The following DVL1 variants were observed in gnomAD, a reference collection of about 807,000 sequenced individuals.
DVL1 encodes segment polarity protein dishevelled homolog DVL-1.
In DVL1, 49 loss-of-function variants were observed where a neutral mutation model predicts 65.0. The ratio of observed to expected loss-of-function variants is 0.75; its 90% CI spans 0.60 to 0.96. The LOEUF is 0.96. Among genes scored for constraint, DVL1 ranks in the 40% least tolerant of loss-of-function variants. The pLI, the probability that DVL1 is intolerant of heterozygous loss-of-function variation, is 0.00. For synonymous variants in DVL1, 608 were observed against 433.9 expected (o/e 1.40, Z -4.99); for missense variants, 1,197 against 1,045.4 (o/e 1.15, Z -2.00).
At chr1:1,341,470 GCA>G (rs1402879587) in intron 5 of DVL1, among the ~76,000 whole-genome samples, 195 bp downstream of exon 5, 9 of 151,800 alleles carry the variant, frequency 5.9e-5, no homozygotes, top group East Asian at 2.0e-4. Flanking sequence ...GCACACACGT[GCA>G]CAGTGAAAAC....
intron 1 of DVL1, among the ~76,000 whole-genome samples, chr1:1,345,451 T>C (rs961532354): frequency 6.6e-6 from 1 of 151,940 alleles, no homozygotes; most frequent in African/African-American, 2.4e-5. Context: ...TGGGGGAGGG[T>C]GCTGGAGGCT....
intron 1 of DVL1, among the ~76,000 whole-genome samples, chr1:1,343,044 T>C (rs889327471): frequency 1.3e-5 from 2 of 151,206 alleles, no homozygotes; most frequent in African/African-American, 4.9e-5. Flanking sequence ...CCCCCCAGCA[T>C]GGGGACAGTG....
intron 14 of DVL1, among the ~76,000 whole-genome samples, chr1:1,337,499 G>A (rs71628952): frequency 4.6e-5 from 7 of 152,188 alleles, no homozygotes; most frequent in Non-Finnish European, 1.0e-4. Flanking sequence ...CTGGGGCCTA[G>A]AAAGTGACCC....
At chr1:1,348,521 A>C (rs1306008608) in intron 1 of DVL1, among the ~76,000 whole-genome samples, 2 of 152,150 alleles carry the variant, frequency 1.3e-5, no homozygotes, top group African/African-American at 4.8e-5. Flanking sequence ...CATCCCAGCT[A>C]GGGAACCCCA....
rs773789094 is a variant in DVL1 at position 1,338,433 on chromosome 1, G to A, written c.1343C>T (p.Ala448Val). The change falls in exon 13 of 15, where the codon GCG (alanine) becomes GTG (valine). Residue 448 changes from alanine to valine, a missense_variant. Ala to Val is a moderately conservative substitution (Grantham distance 64). Transcript: ENST00000378888. ...KITIANAVIG[A>V]DVVDWLYTHV... ...TGTGTACAGCCAGTCCACCACGTCCGCCCCTGGCCGGCACCAGCGGTCAGC... is the reference window on the plus strand; with the variant it reads ...TGTGTACAGCCAGTCCACCACGTCCACCCCTGGCCGGCACCAGCGGTCAGC... 8 of 1,609,596 alleles carry A rather than the reference G, an allele frequency of 5.0e-6. No individual in the cohort carries two copies. Among genetic ancestry groups the A allele is most frequent in the African/African-American group, 2.7e-5 (2 of 74,890 alleles).
intron 1 of DVL1, among the ~76,000 whole-genome samples, chr1:1,347,498 G>A (rs1643933767): frequency 6.6e-6 from 1 of 152,244 alleles, no homozygotes; most frequent in Admixed American, 6.5e-5. Context: ...TCATCCCAGA[G>A]CATGGTCCAG....
chr1:1,342,011 G>C, intron 4 of DVL1, 42 bp downstream of exon 4: 1 of 1,511,538 alleles, frequency 6.6e-7, no homozygotes, highest in Non-Finnish European at 9.0e-7. Flanking sequence ...GGGGTCCCAG[G>C]GAGGCTGGGG....
At chr1:1,345,370 G>T (rs557382360) in intron 1 of DVL1, among the ~76,000 whole-genome samples, 66 of 152,292 alleles carry the variant, frequency 4.3e-4, no homozygotes, top group Non-Finnish European at 8.2e-4. Flanking sequence ...GAAGGGTGGG[G>T]TCTGCCTGGG....
At position 1,335,632 on chromosome 1, in the gene DVL1, G is replaced by A. The variant is rs1384675913; in HGVS notation, c.*510C>T. 2 of 156,112 alleles carry A rather than the reference G, an allele frequency of 1.3e-5. No individual in the cohort carries two copies. Among genetic ancestry groups the A allele is most frequent in the African/African-American group, 4.8e-5 (2 of 41,482 alleles). 9.7% of individuals were successfully genotyped at this position (156,112 alleles called of 1,614,324 possible). A position where few individuals can be genotyped will look rare whatever the true frequency, so the allele number is the denominator to read the frequency against. ...GTCCTCCACGTACTTTCAGACTGTT[G>A]CCGGATGGGAGGAGAGAAGGTGCAG... On this transcript the variant is annotated 3_prime_UTR_variant, in exon 15 of 15. Transcript: ENST00000378888.
In DVL1 at chr1:1,338,314, T is replaced by C; in HGVS notation, c.1462A>G (p.Thr488Ala). 1 of 1,583,638 alleles carries C rather than the reference T, an allele frequency of 6.3e-7. No individual in the cohort carries two copies. Among genetic ancestry groups the C allele is most frequent in the Non-Finnish European group, 8.5e-7 (1 of 1,169,860 alleles). The change falls in exon 13 of 15, where the codon ACC becomes GCC. Residue 488 changes from threonine (T) to alanine (A), a missense_variant. Physicochemically the swap from Thr to Ala is moderately conservative, Grantham distance 58 (BLOSUM62 0). Transcript: ENST00000378888. ...GFLRHTVNKI[T>A]FSEQCYYVFG... ...ACGTAGTAGCACTGCTCGGAGAAGG[T>C]GATCTTGTTGACCGTGTGCCGCAGG...
intron 14 of DVL1, 127 bp downstream of exon 14, chr1:1,337,850 G>A: frequency 1.3e-6 from 1 of 778,364 alleles, no homozygotes; most frequent in Non-Finnish European, 2.2e-6. Context: ...CGGAGCAGCA[G>A]CGGGGTGGGG....
At chr1:1,339,132 G>C (rs1008341933) in intron 11 of DVL1, among the ~76,000 whole-genome samples, 155 bp downstream of exon 11, 5 of 152,218 alleles carry the variant, frequency 3.3e-5, no homozygotes, top group Non-Finnish European at 5.9e-5. Context: ...AGGTGGGCAC[G>C]GGTGCCTGTG....
At position 1,336,948 on chromosome 1, in the gene DVL1, C is replaced by T. The variant is rs571367649; in HGVS notation, c.1715-433G>A. ...TCAGCCCTGTCCTGGGCTCCCAAGA[C>T]GCAGTGGGAGCTGGAGGGCGTGGCT... On this transcript the variant is annotated intron_variant, in intron 14 of 14. Coordinates refer to ENST00000378888, the MANE Select transcript of DVL1 (RefSeq NM_001330311.2). 209 of 959,026 alleles carry T rather than the reference C, an allele frequency of 2.2e-4. 2 individuals are homozygous for T. The South Asian group carries it at 3.2e-3, about 15-fold the overall frequency. 59.4% of individuals were successfully genotyped at this position (959,026 alleles called of 1,614,324 possible). A position where few individuals can be genotyped will look rare whatever the true frequency, so the allele number is the denominator to read the frequency against.
intron 1 of DVL1, 42 bp downstream of exon 1, chr1:1,348,854 C>CG: frequency 6.8e-7 from 1 of 1,466,328 alleles, no homozygotes; most frequent in Non-Finnish European, 9.1e-7. Flanking sequence ...GTGCGACCCC[C>CG]GAGCCCGCGC....
intron 1 of DVL1, among the ~76,000 whole-genome samples, chr1:1,346,905 G>C (rs1451314878): frequency 6.6e-6 from 1 of 152,208 alleles, no homozygotes; most frequent in Non-Finnish European, 1.5e-5. Flanking sequence ...GTCTAGTTCA[G>C]CAGTCGCTTA....
Position 1,345,004 on chromosome 1 carries a change from G to A in DVL1, c.171-2246C>T, listed in dbSNP as rs867991318. On this transcript the variant is annotated intron_variant, in intron 1 of 14. Transcript: ENST00000378888. ...CCAGCACCCTCTGACTCACCGGAGG[G>A]AGACTCGGCCACCCAGCACCCTCTG... is the stretch of plus-strand genomic sequence containing the variant. 2.7e-5 allele frequency among the ~76,000 whole-genome samples: 4 copies of A among 150,786 alleles called. No homozygotes were observed. The South Asian group carries it at 6.2e-4, about 23-fold the overall frequency.
intron 14 of DVL1, chr1:1,337,691 C>A (rs1643624203): frequency 6.4e-6 from 4 of 621,890 alleles, no homozygotes; most frequent in Non-Finnish European, 1.2e-5. Flanking sequence ...GAGGTGGGGT[C>A]CAGGCTGCCC....
Position 1,339,658 on chromosome 1 carries a change from A to ACTT in DVL1, c.987-10_987-9insAAG. The ACTT allele has an allele frequency of 6.2e-7, 1 of 1,611,546 alleles. No homozygotes were observed. The highest frequency in any genetic ancestry group is 8.5e-7 in the Non-Finnish European group (1 of 1,179,030). ...CAGTGAGGCTGATGGGCCTGCAGGA[A>ACTT]CGGTGGTCACACAGCAAGGCCCCCA... On this transcript the variant is annotated splice_polypyrimidine_tract_variant and intron_variant, in intron 9 of 14. Transcript: ENST00000378888.
At chr1:1,339,250 T>A (rs1643698285) in intron 11 of DVL1, 37 bp downstream of exon 11, 1 of 1,547,248 alleles carries the variant, frequency 6.5e-7, no homozygotes, top group African/African-American at 1.4e-5. Flanking sequence ...CCTCCAAGCC[T>A]CGGTTTCTGC....
Sources: gnomAD v4.1 joint callset for allele counts (sites outside exome capture counted in the v4.1 genomes callset) on GRCh38, gnomAD v4.1.1 for gene constraint, MANE v1.5 for transcripts, NCBI Gene and HGNC (gene_info 2026-07-23, HGNC 2026-07-21) for gene names.